RIMS1: variants seen among roughly 807,000 people sequenced by gnomAD.
RIMS1 encodes regulating synaptic membrane exocytosis protein 1.
In RIMS1, 83 loss-of-function variants were observed where a neutral mutation model predicts 214.1. The observed-to-expected ratio is 0.39, with a 90% CI of 0.32 to 0.47. The LOEUF (loss-of-function observed/expected upper bound fraction) is 0.47, where lower values mean the gene tolerates loss of function less well. Among genes scored for constraint, RIMS1 ranks in the 20% least tolerant of loss-of-function variants. The pLI is 0.99. For synonymous variants in RIMS1, 793 were observed against 786.8 expected, an observed-to-expected ratio of 1.01 and a Z score of -0.13; for missense variants, 2,050 against 2,161.8, an observed-to-expected ratio of 0.95 and a Z score of 1.03.
chr6:72,269,411 C>T (rs1344846961), intron 22 of RIMS1, among the ~76,000 whole-genome samples: 3 of 152,146 alleles, frequency 2.0e-5, no homozygotes, highest in Non-Finnish European at 4.4e-5. Context: ...CCATACTGTA[C>T]TGTTCCTTAA....
chr6:72,008,728 G>C (rs1379044802), intron 2 of RIMS1, among the ~76,000 whole-genome samples: 2 of 151,966 alleles, frequency 1.3e-5, no homozygotes, highest in Non-Finnish European at 2.9e-5. Context: ...AGACAAAGAA[G>C]GCCATTACAT....
intron 6 of RIMS1, among the ~76,000 whole-genome samples, chr6:72,188,318 A>G (rs1434212990): frequency 3.3e-5 from 5 of 152,224 alleles, no homozygotes; most frequent in African/African-American, 1.2e-4. Flanking sequence ...ATCTTCAAAT[A>G]AAGACAATAA....
At chr6:72,127,586 C>T (rs2039773203) in intron 4 of RIMS1, among the ~76,000 whole-genome samples, 2 of 152,150 alleles carry the variant, frequency 1.3e-5, no homozygotes, top group African/African-American at 4.8e-5. Flanking sequence ...AAAGGCCCCT[C>T]CAGTCATCAA....
At chr6:72,270,253 T>C (rs1027185164) in intron 22 of RIMS1, among the ~76,000 whole-genome samples, 2 of 152,148 alleles carry the variant, frequency 1.3e-5, no homozygotes, top group Admixed American at 6.5e-5. Flanking sequence ...TTAAAATAAG[T>C]TAAATTTAGT....
In RIMS1 at chr6:72,290,680, G is replaced by C. The variant is rs747061173; in HGVS notation, c.3556G>C (p.Val1186Leu). Residue 1186 changes from valine to leucine, a missense_variant and splice_region_variant, in exon 25 of 34, where the codon GTT becomes CTT. Val to Leu is a conservative substitution (Grantham distance 32, BLOSUM62 1). Coordinates refer to ENST00000521978, the MANE Select transcript of RIMS1 (RefSeq NM_014989.7). ...TCTTTTTTGGCCCTAATGTTTTAGG[G>C]TTCTCCCAACATGTCTTTCTAGAAG... ...RKGTASDAER[V>L]LPTCLSRRGH... is the part of the protein sequence containing the mutation. 1.9e-6 allele frequency: 3 copies of C among 1,612,830 alleles called. No individual in the cohort carries two copies. In the South Asian group the frequency reaches 3.3e-5, roughly 18 times the overall value.
In RIMS1 at chr6:72,227,479, T is replaced by G. The variant is rs1425106134; in HGVS notation, c.1679-6294T>G. Among the ~76,000 whole-genome samples the G allele has an allele frequency of 5.3e-5, 8 of 151,846 alleles. No individual in the cohort carries two copies. The South Asian group carries it at 1.4e-3, about 27-fold the overall frequency. ...CTGAGCTCATGATTCAGCCAGAAATTTTGATTCTGAGTTCCATATAACTGC... is the reference window on the plus strand; with the variant it reads ...CTGAGCTCATGATTCAGCCAGAAATGTTGATTCTGAGTTCCATATAACTGC... On this transcript the variant is annotated intron_variant, in intron 6 of 33. Coordinates refer to ENST00000521978, the MANE Select transcript of RIMS1 (RefSeq NM_014989.7).
intron 4 of RIMS1, among the ~76,000 whole-genome samples, chr6:72,170,347 ATTTTTTC>A (rs2046858207): frequency 6.6e-6 from 1 of 151,848 alleles, no homozygotes; most frequent in South Asian, 2.1e-4. Context: ...GGTTTTTTAA[ATTTTTTC>A]TTTTTTTGAG....
chr6:72,398,425 G>T, intron 32 of RIMS1, 75 bp downstream of exon 32: 1 of 815,132 alleles, frequency 1.2e-6, no homozygotes, highest in South Asian at 1.8e-5. Context: ...TGCTGCATTT[G>T]AATTTCATAT....
intron 2 of RIMS1, among the ~76,000 whole-genome samples, chr6:71,978,207 A>G (rs1311725868): frequency 6.6e-6 from 1 of 152,154 alleles, no homozygotes; most frequent in Non-Finnish European, 1.5e-5. Context: ...GCATATGTAC[A>G]TATTTTCTCA....
At chr6:72,033,827 C>T (rs1818837882) in intron 2 of RIMS1, among the ~76,000 whole-genome samples, 1 of 151,908 alleles carries the variant, frequency 6.6e-6, no homozygotes, top group Non-Finnish European at 1.5e-5. Context: ...TTTCTACTAG[C>T]GTAACAGTGA....
intron 2 of RIMS1, among the ~76,000 whole-genome samples, chr6:72,006,973 G>A (rs1434524482): frequency 6.6e-6 from 1 of 152,200 alleles, no homozygotes; most frequent in Non-Finnish European, 1.5e-5. Flanking sequence ...TTGGAAGACA[G>A]TAGTCATTCT....
intron 29 of RIMS1, among the ~76,000 whole-genome samples, chr6:72,336,324 T>C (rs1225748680): frequency 6.6e-6 from 1 of 151,870 alleles, no homozygotes; most frequent in African/African-American, 2.4e-5. Context: ...TTTGTATTAA[T>C]AAGTAATGGG....
intron 28 of RIMS1, among the ~76,000 whole-genome samples, chr6:72,321,041 T>A (rs747197755): frequency 2.6e-5 from 4 of 152,022 alleles, no homozygotes; most frequent in Admixed American, 1.3e-4. Context: ...TGCGGATTGA[T>A]TGATATTTGC....
At chr6:72,324,712 C>G (rs966670248) in intron 28 of RIMS1, among the ~76,000 whole-genome samples, 1 of 151,788 alleles carries the variant, frequency 6.6e-6, no homozygotes, top group Non-Finnish European at 1.5e-5. Context: ...TCACAGTGAG[C>G]AAACTATGGC....
chr6:72,052,426 A>C (rs1446447508), intron 2 of RIMS1, among the ~76,000 whole-genome samples: 1 of 152,196 alleles, frequency 6.6e-6, no homozygotes, highest in Admixed American at 6.5e-5. Flanking sequence ...GAACTCTGGA[A>C]ACTTTTACTT....
chr6:72,154,652 C>G (rs1203572694), intron 4 of RIMS1, among the ~76,000 whole-genome samples: 1 of 140,530 alleles, frequency 7.1e-6, no homozygotes. Context: ...TAGGAGTTCA[C>G]TGAAGTTCCA....
intron 2 of RIMS1, among the ~76,000 whole-genome samples, chr6:72,032,435 A>G (rs1818403776): frequency 6.6e-6 from 1 of 152,076 alleles, no homozygotes. Flanking sequence ...CTTGTCCTAG[A>G]GTACTGGGCT....
intron 6 of RIMS1, among the ~76,000 whole-genome samples, chr6:72,193,485 A>G (rs771617387): frequency 6.6e-6 from 1 of 152,216 alleles, no homozygotes; most frequent in Non-Finnish European, 1.5e-5. Flanking sequence ...AACACCTTTT[A>G]TCACTGTAGC....
At chr6:72,260,947 C>G (rs575324471) in intron 19 of RIMS1, 180 bp downstream of exon 19, 7 of 1,412,088 alleles carry the variant, frequency 5.0e-6, no homozygotes, top group Non-Finnish European at 6.5e-6. Flanking sequence ...ATTTCAGTTC[C>G]GATTCAGGCT....
Sources: allele counts gnomAD v4.1 joint callset (sites outside exome capture counted in the v4.1 genomes callset), GRCh38; gene constraint gnomAD v4.1.1; transcripts MANE v1.5; gene names NCBI Gene and HGNC (gene_info 2026-07-23, HGNC 2026-07-21).